The following KIAA1549L variants were observed in gnomAD, a reference collection of about 807,000 sequenced individuals.
KIAA1549L encodes the protein UPF0606 protein KIAA1549L.
Under a neutral mutation model 160.7 loss-of-function variants are expected in KIAA1549L, and 88 were observed. The ratio of observed to expected loss-of-function variants is 0.55; its 90% CI spans 0.46 to 0.65. The LOEUF is 0.65. KIAA1549L is among the 30% of genes least tolerant of loss of function. The pLI is 0.00. For synonymous variants in KIAA1549L, 950 were observed against 976.7 expected (o/e 0.97, Z 0.51); for missense variants, 2,258 against 2,437.5 (o/e 0.93, Z 1.55).
chr11:33,546,380 C>T (rs993579034), intron 3 of KIAA1549L, among the ~76,000 whole-genome samples: 7 of 152,300 alleles, frequency 4.6e-5, no homozygotes, highest in Middle Eastern at 3.4e-3. Flanking sequence ...AGCCCTGGCC[C>T]CTCAGAGGCA....
At chr11:33,571,439 T>G (rs1855251695) in intron 9 of KIAA1549L, among the ~76,000 whole-genome samples, 1 of 152,230 alleles carries the variant, frequency 6.6e-6, no homozygotes, top group Non-Finnish European at 1.5e-5. Flanking sequence ...AAGAAATATC[T>G]GAGACTGAGT....
chr11:33,551,193 C>T lies in KIAA1549L; in HGVS notation c.3655C>T (p.Gln1219Ter). 1 of 1,613,940 alleles carries T rather than the reference C, an allele frequency of 6.2e-7. No homozygotes were observed. Among genetic ancestry groups the T allele is most frequent in the Non-Finnish European group, 8.5e-7 (1 of 1,179,870 alleles). The stretch of plus-strand genomic sequence containing the variant: ...CCTGAAGCAACACACCCCACACTTA[C>T]AGTCTGTGGCAGTACTTGCCTCCCC... The part of the protein sequence containing the change: ...ADLKQHTPHL[Q>*]SVAVLASPWN... Residue 1219 changes from glutamine (Q) to a stop codon, truncating the protein, a stop_gained, in exon 5 of 21, where the codon CAG becomes TAG. Transcript: ENST00000658780. LOFTEE classifies it high-confidence loss of function.
intron 1 of KIAA1549L, chr11:33,450,590 A>AC (rs74314311): frequency 6.6e-6 from 1 of 151,370 alleles, no homozygotes; most frequent in Admixed American, 6.6e-5. Context: ...AACAACAACA[A>AC]AAAAGAAAAC....
chr11:33,624,820 C>T (rs1321029303), intron 16 of KIAA1549L, among the ~76,000 whole-genome samples: 1 of 150,320 alleles, frequency 6.7e-6, no homozygotes, highest in African/African-American at 2.5e-5. Context: ...AGGTTAGATA[C>T]ATATGTATAC....
chr11:33,385,805 C>G (rs1235433099), intron 1 of KIAA1549L, among the ~76,000 whole-genome samples: 1 of 150,740 alleles, frequency 6.6e-6, no homozygotes, highest in African/African-American at 2.4e-5. Context: ...TCTTTCTTTT[C>G]TCTCATCAAT....
chr11:33,644,921 AGCAAGCATTCATTAGCAG>A (rs1229008326), intron 16 of KIAA1549L, among the ~76,000 whole-genome samples: 2 of 152,236 alleles, frequency 1.3e-5, no homozygotes, highest in African/African-American at 2.4e-5. Flanking sequence ...ACACTTACGA[AGCAAGCATTCATTAGCAG>A]GCAAGCACGA....
intron 1 of KIAA1549L, among the ~76,000 whole-genome samples, chr11:33,501,520 G>C (rs765154864): frequency 5.9e-5 from 9 of 152,178 alleles, no homozygotes; most frequent in Non-Finnish European, 1.3e-4. Context: ...ATAGAGTGGT[G>C]AACAAGAAGG....
At chr11:33,448,907 C>T (rs1364994355) in intron 1 of KIAA1549L, among the ~76,000 whole-genome samples, 1 of 152,170 alleles carries the variant, frequency 6.6e-6, no homozygotes, top group Non-Finnish European at 1.5e-5. Flanking sequence ...TGGTCCCCAT[C>T]GTTTCCCCCT....
At chr11:33,434,410 T>A (rs1285731240) in intron 1 of KIAA1549L, among the ~76,000 whole-genome samples, 4 of 152,228 alleles carry the variant, frequency 2.6e-5, no homozygotes, top group Non-Finnish European at 4.4e-5. Flanking sequence ...CTCTTTCTTT[T>A]ATAAATTACC....
chr11:33,619,184 T>A (rs1850898262), intron 16 of KIAA1549L, among the ~76,000 whole-genome samples: 1 of 152,188 alleles, frequency 6.6e-6, no homozygotes. Flanking sequence ...ATTATTTTAA[T>A]CCCGTCAGAT....
chr11:33,543,817 G>A lies in KIAA1549L; in HGVS notation c.2254G>A (p.Asp752Asn), dbSNP rs61736871. ...TCCCAATGGTTTAACTTCAGCTGCC[G>A]ATGCCATAAAATCTCAGGATTTCAA... ...APPNGLTSAADAIKSQDFKDT... is the reference protein window; with the variant it reads ...APPNGLTSAANAIKSQDFKDT... The change falls in exon 2 of 21, where the codon GAT becomes AAT. Residue 752 changes from aspartate to asparagine, a missense_variant. Asp to Asn is a conservative substitution (Grantham distance 23). Around this residue, in one of 6 missense-constraint regions of KIAA1549L, gnomAD observed 287 missense variants for 292.3 expected, o/e 0.98. Coordinates refer to ENST00000658780, the MANE Select transcript of KIAA1549L (RefSeq NM_012194.3). The A allele has an allele frequency of 5.6e-6, 9 of 1,613,888 alleles. No homozygotes were observed. Among genetic ancestry groups the A allele is most frequent in the South Asian group, 2.2e-5 (2 of 91,090 alleles).
chr11:33,638,690 A>G lies in KIAA1549L; in HGVS notation c.5410-6996A>G, dbSNP rs567725660. Among the ~76,000 whole-genome samples the G allele has an allele frequency of 4.6e-5, 7 of 152,284 alleles. No homozygotes were observed. In the East Asian group the frequency reaches 1.2e-3, roughly 25 times the overall value. ...GAGTGGAATTTCTGGGTCATAGGGT[A>G]GGTATATGTTTAAGAAATTGTAGTC... On this transcript the variant is annotated intron_variant, in intron 16 of 20. Transcript: ENST00000658780.
At chr11:33,455,093 A>AC (rs1851795927) in intron 1 of KIAA1549L, among the ~76,000 whole-genome samples, 1 of 152,036 alleles carries the variant, frequency 6.6e-6, no homozygotes, top group African/African-American at 2.4e-5. Context: ...CATCTCAAAA[A>AC]ACAAAACAAA....
chr11:33,551,692 C>A (rs1854468889), intron 5 of KIAA1549L, among the ~76,000 whole-genome samples: 1 of 151,942 alleles, frequency 6.6e-6, no homozygotes, highest in African/African-American at 2.4e-5. Context: ...GATTTCGGGT[C>A]TGCAAAGTTT....
intron 1 of KIAA1549L, among the ~76,000 whole-genome samples, chr11:33,431,392 A>C (rs1020311993): frequency 6.6e-6 from 1 of 151,358 alleles, no homozygotes; most frequent in Admixed American, 6.6e-5. Flanking sequence ...CAGGGCGCTG[A>C]TTGGTGTGTT....
At chr11:33,621,394 T>A (rs951848353) in intron 16 of KIAA1549L, among the ~76,000 whole-genome samples, 1 of 152,310 alleles carries the variant, frequency 6.6e-6, no homozygotes, top group Middle Eastern at 3.4e-3. Flanking sequence ...GCACTAACAA[T>A]ACCTCACTTG....
chr11:33,561,162 G>A (rs750939375), intron 7 of KIAA1549L, among the ~76,000 whole-genome samples: 1 of 152,188 alleles, frequency 6.6e-6, no homozygotes, highest in Non-Finnish European at 1.5e-5. Flanking sequence ...CTATCCAGGA[G>A]ATAATCATTC....
chr11:33,539,465 A>G (rs1229191830), intron 1 of KIAA1549L, among the ~76,000 whole-genome samples: 1 of 152,232 alleles, frequency 6.6e-6, no homozygotes, highest in African/African-American at 2.4e-5. Flanking sequence ...TTGCAGTGAC[A>G]TAAAATAGCA....
chr11:33,406,536 A>G (rs1850656513), intron 1 of KIAA1549L, among the ~76,000 whole-genome samples: 2 of 152,320 alleles, frequency 1.3e-5, no homozygotes, highest in African/African-American at 4.8e-5. Flanking sequence ...GGGAAGCTGG[A>G]ACTCAAACTA....
Sources: allele counts gnomAD v4.1 joint callset (sites outside exome capture counted in the v4.1 genomes callset), GRCh38; gene constraint gnomAD v4.1.1; regional missense constraint gnomAD v4.1.1; transcripts MANE v1.5; gene names NCBI Gene and HGNC (gene_info 2026-07-23, HGNC 2026-07-21).